SERINC5: variants seen among roughly 807,000 people sequenced by gnomAD.
SERINC5 encodes chromosome 5 open reading frame 12.
SERINC5 carries 41 observed loss-of-function variants against 63.1 expected under a neutral mutation model. The observed-to-expected ratio is 0.65, with a 90% CI of 0.51 to 0.84. The LOEUF (loss-of-function observed/expected upper bound fraction) is 0.84. SERINC5 is among the 40% of genes least tolerant of loss of function. SERINC5 has a pLI of 0.00. For missense variants in SERINC5, 523 were observed against 573.0 expected (o/e 0.91, Z 0.89); for synonymous variants, 222 against 215.2 (o/e 1.03, Z -0.28).
intron 2 of SERINC5, among the ~76,000 whole-genome samples, chr5:80,191,197 T>C (rs1458434276): frequency 6.6e-6 from 1 of 151,998 alleles, no homozygotes; most frequent in Non-Finnish European, 1.5e-5. Flanking sequence ...CTGTTTCTGC[T>C]TTTTTTCAAG....
intron 7 of SERINC5, among the ~76,000 whole-genome samples, chr5:80,160,358 C>T (rs1429440435): frequency 1.3e-5 from 2 of 152,172 alleles, no homozygotes; most frequent in Non-Finnish European, 1.5e-5. Flanking sequence ...TTACCTTTTA[C>T]CTAACATGGA....
intron 12 of SERINC5, among the ~76,000 whole-genome samples, chr5:80,112,673 G>A (rs1354506835): frequency 6.6e-6 from 1 of 152,116 alleles, no homozygotes; most frequent in Non-Finnish European, 1.5e-5. Context: ...TAGGCCGGGT[G>A]CAATAGCCCG....
chr5:80,255,559 A>T (rs1284683441), intron 1 of SERINC5, among the ~76,000 whole-genome samples: 2 of 152,184 alleles, frequency 1.3e-5, no homozygotes, highest in Non-Finnish European at 2.9e-5. Context: ...TACGGAGCTC[A>T]GCGCTATTCA....
chr5:80,151,003 A>G (rs1370029563), intron 8 of SERINC5, 55 bp from the exon 9 acceptor site: 2 of 1,324,182 alleles, frequency 1.5e-6, no homozygotes, highest in Non-Finnish European at 2.2e-6. Context: ...CAACACATGG[A>G]ATGAAGGGGA....
At chr5:80,215,961 T>C (rs2112526278) in intron 1 of SERINC5, among the ~76,000 whole-genome samples, 1 of 152,294 alleles carries the variant, frequency 6.6e-6, no homozygotes, top group East Asian at 1.9e-4. Context: ...AGTCCTCTGT[T>C]CTCAGACAGC....
At chr5:80,145,186 A>T (rs1034224775) in intron 11 of SERINC5, among the ~76,000 whole-genome samples, 7 of 143,762 alleles carry the variant, frequency 4.9e-5, no homozygotes, top group East Asian at 2.0e-4. Context: ...TAAAAATAAT[A>T]AAAAAAAAAA....
Position 80,142,899 on chromosome 5 carries a change from C to T in SERINC5, c.*764G>A, listed in dbSNP as rs188680831. 613 of 985,304 alleles carry T rather than the reference C, an allele frequency of 6.2e-4. No individual in the cohort carries two copies. Among genetic ancestry groups the T allele is most frequent in the Non-Finnish European group, 7.1e-4 (589 of 829,858 alleles). 61.0% of individuals were successfully genotyped at this position (985,304 alleles called of 1,614,324 possible). A position where few individuals can be genotyped will look rare whatever the true frequency, so the allele number is the denominator to read the frequency against. ...TCATGTGAATAACACCATAAATAAGCGCCGTACTTATTGCAGTAACTCGGA... is the reference window on the plus strand; with the variant it reads ...TCATGTGAATAACACCATAAATAAGTGCCGTACTTATTGCAGTAACTCGGA... On this transcript the variant is annotated 3_prime_UTR_variant, in exon 12 of 12. Coordinates refer to ENST00000507668, the MANE Select transcript of SERINC5 (RefSeq NM_001174072.3).
intron 8 of SERINC5, among the ~76,000 whole-genome samples, chr5:80,156,083 T>C (rs891544122): frequency 2.0e-5 from 3 of 152,068 alleles, no homozygotes; most frequent in Non-Finnish European, 4.4e-5. Context: ...TAGGGAGATT[T>C]CCAGTCTTCT....
chr5:80,250,727 G>A (rs1752373431), intron 1 of SERINC5, among the ~76,000 whole-genome samples: 1 of 152,104 alleles, frequency 6.6e-6, no homozygotes, highest in Non-Finnish European at 1.5e-5. Flanking sequence ...GCATTATAGG[G>A]GCATCAGTTG....
chr5:80,207,868 A>G (rs1750247627), intron 1 of SERINC5, among the ~76,000 whole-genome samples: 1 of 152,250 alleles, frequency 6.6e-6, no homozygotes, highest in Non-Finnish European at 1.5e-5. Context: ...CAGCATCCGT[A>G]AAAGAAACAT....
intron 11 of SERINC5, among the ~76,000 whole-genome samples, chr5:80,127,738 G>A (rs1744799905): frequency 6.6e-6 from 1 of 151,378 alleles, no homozygotes; most frequent in South Asian, 2.1e-4. Flanking sequence ...CTTTTATTTG[G>A]TTTTGATGAA....
intron 6 of SERINC5, among the ~76,000 whole-genome samples, chr5:80,167,627 C>CT (rs1175957177): frequency 6.6e-6 from 1 of 152,092 alleles, no homozygotes; most frequent in South Asian, 2.1e-4. Flanking sequence ...GTTTTTAGGT[C>CT]TTTGAGGAAT....
At chr5:80,144,009 C>T (rs1745669582) in intron 11 of SERINC5, 199 bp from the exon 12 acceptor site, 1 of 614,758 alleles carries the variant, frequency 1.6e-6, no homozygotes, top group Non-Finnish European at 2.7e-6. Flanking sequence ...GGTGCTCTCC[C>T]CTTCCCCATG....
chr5:80,152,219 G>T (rs756762397), intron 8 of SERINC5, among the ~76,000 whole-genome samples: 1 of 152,142 alleles, frequency 6.6e-6, no homozygotes, highest in African/African-American at 2.4e-5. Flanking sequence ...AGAGTGGCCC[G>T]GCTGGGTGTG....
At chr5:80,221,342 C>T (rs547345308) in intron 1 of SERINC5, among the ~76,000 whole-genome samples, 3 of 152,210 alleles carry the variant, frequency 2.0e-5, no homozygotes, top group Admixed American at 1.3e-4. Flanking sequence ...CAGCTGCCCT[C>T]GCTCTTCATT....
intron 1 of SERINC5, among the ~76,000 whole-genome samples, chr5:80,208,799 G>A (rs1750297524): frequency 6.6e-6 from 1 of 152,126 alleles, no homozygotes; most frequent in Non-Finnish European, 1.5e-5. Context: ...ACTAGAAACA[G>A]CCTTATTTTC....
chr5:80,202,851 C>A, intron 2 of SERINC5, 35 bp downstream of exon 2: 2 of 1,578,198 alleles, frequency 1.3e-6, no homozygotes, highest in South Asian at 1.1e-5. Context: ...CATCAAACAT[C>A]GGAAATAGGA....
At chr5:80,152,333 G>A (rs992155909) in intron 8 of SERINC5, among the ~76,000 whole-genome samples, 1 of 151,692 alleles carries the variant, frequency 6.6e-6, no homozygotes, top group Non-Finnish European at 1.5e-5. Context: ...AAACCCTGTC[G>A]CTACAAAAAA....
intron 1 of SERINC5, among the ~76,000 whole-genome samples, chr5:80,208,780 A>G (rs1395047107): frequency 6.6e-6 from 1 of 152,226 alleles, no homozygotes; most frequent in Non-Finnish European, 1.5e-5. Context: ...GAGGCTGTTC[A>G]TAACAAACAC....
Sources: allele counts gnomAD v4.1 joint callset (sites outside exome capture counted in the v4.1 genomes callset), GRCh38; gene constraint gnomAD v4.1.1; transcripts MANE v1.5; gene names NCBI Gene and HGNC (gene_info 2026-07-23, HGNC 2026-07-21).